ABCB1: variants seen among roughly 807,000 people sequenced by gnomAD.
The protein encoded by ABCB1 is ATP-dependent translocase ABCB1.
In ABCB1, 69 loss-of-function variants were observed where a neutral mutation model predicts 142.0. The observed-to-expected ratio is 0.49, with a 90% confidence interval of 0.40 to 0.59. The LOEUF (loss-of-function observed/expected upper bound fraction) is 0.59. Among genes scored for constraint, ABCB1 ranks in the 20% least tolerant of loss-of-function variants. The pLI is 0.00. For missense variants in ABCB1, 1,326 were observed against 1,554.7 expected (o/e 0.85, Z 2.47); for synonymous variants, 532 against 539.2 (o/e 0.99, Z 0.18).
intron 21 of ABCB1, among the ~76,000 whole-genome samples, chr7:87,526,548 A>G (rs1815791662): frequency 1.3e-5 from 2 of 151,958 alleles, no homozygotes; most frequent in African/African-American, 4.8e-5. Context: ...AAAGATTCTT[A>G]TAACCCCCTC....
At chr7:87,575,732 A>T (rs1320714296) in intron 4 of ABCB1, among the ~76,000 whole-genome samples, 1 of 152,210 alleles carries the variant, frequency 6.6e-6, no homozygotes, top group African/African-American at 2.4e-5. Flanking sequence ...AGATGATTCC[A>T]GGAACTACAG....
In ABCB1 at chr7:87,559,420, T is replaced by C. The variant is rs572970599; in HGVS notation, c.827+1843A>G. Among the ~76,000 whole-genome samples the C allele has an allele frequency of 9.9e-5, 15 of 152,090 alleles. 1 individual carries two copies. The South Asian group carries it at 2.9e-3, about 29-fold the overall frequency. On this transcript the variant is annotated intron_variant, in intron 8 of 27. Coordinates refer to ENST00000622132, the MANE Select transcript of ABCB1 (RefSeq NM_001348946.2). ...TAGATTTTTTAATCTGTTACAAGTT[T>C]TCCCTATTCATTCTTTTTTTGTTCC...
chr7:87,693,452 T>C (rs1828196377), intron 1 of ABCB1, among the ~76,000 whole-genome samples: 1 of 152,190 alleles, frequency 6.6e-6, no homozygotes, highest in African/African-American at 2.4e-5. Context: ...AAAATGTGTA[T>C]TTATTTTTAA....
chr7:87,548,075 A>G (rs868449048), intron 14 of ABCB1, among the ~76,000 whole-genome samples: 1 of 137,426 alleles, frequency 7.3e-6, no homozygotes, highest in South Asian at 2.5e-4. Context: ...GAGGAAGAGA[A>G]GAGAAGAGAA....
At chr7:87,708,255 CAAG>C (rs567920006) in intron 1 of ABCB1, among the ~76,000 whole-genome samples, 128 of 151,984 alleles carry the variant, frequency 8.4e-4, no homozygotes, top group African/African-American at 3.0e-3. Flanking sequence ...CAAGACTATT[CAAG>C]AAGATCAAAA....
At chr7:87,554,961 C>T (rs1817246582) in intron 8 of ABCB1, among the ~76,000 whole-genome samples, 1 of 152,138 alleles carries the variant, frequency 6.6e-6, no homozygotes, top group Non-Finnish European at 1.5e-5. Flanking sequence ...GAGTCACTGA[C>T]AGATTTTATT....
intron 1 of ABCB1, chr7:87,628,661 G>A: frequency 2.5e-6 from 1 of 406,146 alleles, no homozygotes; most frequent in Non-Finnish European, 4.2e-6. Flanking sequence ...TCAGTCCCCG[G>A]GTGCGAGTCC....
At chr7:87,599,278 A>G (rs560838462) in intron 2 of ABCB1, among the ~76,000 whole-genome samples, 80 of 152,228 alleles carry the variant, frequency 5.3e-4, no homozygotes, top group Non-Finnish European at 8.5e-4. Context: ...GCAGAGCACC[A>G]TGATCAAAAT....
chr7:87,639,882 G>A (rs1001519301), intron 1 of ABCB1, among the ~76,000 whole-genome samples: 24 of 151,542 alleles, frequency 1.6e-4, no homozygotes, highest in East Asian at 1.9e-4. Context: ...TTTAATTAAC[G>A]TTATTACTAT....
chr7:87,558,283 C>T (rs1817392183), intron 8 of ABCB1, among the ~76,000 whole-genome samples: 1 of 152,130 alleles, frequency 6.6e-6, no homozygotes, highest in Admixed American at 6.5e-5. Context: ...AGGTTTATTT[C>T]CATTTCAGAG....
intron 1 of ABCB1, among the ~76,000 whole-genome samples, chr7:87,616,011 T>C (rs1363788389): frequency 6.6e-6 from 1 of 152,180 alleles, no homozygotes; most frequent in Non-Finnish European, 1.5e-5. Flanking sequence ...TCATAGTAAA[T>C]AGAAGGTACA....
At chr7:87,570,360 T>G in intron 4 of ABCB1, 137 bp from the exon 5 acceptor site, 2 of 857,302 alleles carry the variant, frequency 2.3e-6, no homozygotes, top group Admixed American at 3.6e-5. Flanking sequence ...TTTAATTGTG[T>G]GTAAGCATTA....
intron 1 of ABCB1, among the ~76,000 whole-genome samples, chr7:87,652,406 C>T (rs1446710052): frequency 6.6e-6 from 1 of 151,934 alleles, no homozygotes; most frequent in Non-Finnish European, 1.5e-5. Context: ...ATATAGATCA[C>T]ACCCCTTCAG....
chr7:87,662,768 G>A (rs1474188167), intron 1 of ABCB1, among the ~76,000 whole-genome samples: 1 of 151,910 alleles, frequency 6.6e-6, no homozygotes, highest in Non-Finnish European at 1.5e-5. Context: ...TTTTAGGATT[G>A]GTTTTTCTAT....
At chr7:87,607,410 T>C (rs1186623613) in intron 1 of ABCB1, among the ~76,000 whole-genome samples, 1 of 152,208 alleles carries the variant, frequency 6.6e-6, no homozygotes, top group Non-Finnish European at 1.5e-5. Flanking sequence ...CAGCACATAC[T>C]ATGTGCTCAA....
chr7:87,553,817 A>G lies in ABCB1; in HGVS notation c.943T>C (p.Trp315Arg). 6.2e-7 allele frequency: 1 copy of G among 1,614,184 alleles called. No individual in the cohort carries two copies. The highest frequency in any genetic ancestry group is 8.5e-7 in the Non-Finnish European group (1 of 1,180,004). The change falls in exon 9 of 28, where the codon TGG becomes CGG. Residue 315 changes from tryptophan (W) to arginine (R), a missense_variant. Transcript: ENST00000622132. ...LIYASYALAFWYGTTLVLSGE... is the reference protein window; with the variant it reads ...LIYASYALAFRYGTTLVLSGE... ...GAGAGGACCAAGGTGGTCCCATACC[A>G]GAAGGCCAGAGCATAAGATGCATAG...
rs528293800 is a variant in ABCB1 at position 87,629,012 on chromosome 7, G to A, written c.-330-27934C>T. ...GCTGAGAGCTCTGGGCTTCCGCGCG[G>A]GTCCTTGGGGGTCCCGGGCATGATG... On this transcript the variant is annotated intron_variant, in intron 1 of 28. Transcript: ENST00000265724. The A allele has an allele frequency of 2.9e-5, 36 of 1,262,532 alleles. No individual in the cohort carries two copies. In the African/African-American group the frequency reaches 5.0e-4, roughly 18 times the overall value. The allele number at this position is 1,262,532 out of a possible 1,614,324, so 78.2% of individuals were successfully genotyped here. A position where few individuals can be genotyped will look rare whatever the true frequency, so the allele number is the denominator to read the frequency against.
chr7:87,616,020 C>A (rs949887277), intron 1 of ABCB1, among the ~76,000 whole-genome samples: 1 of 152,096 alleles, frequency 6.6e-6, no homozygotes, highest in African/African-American at 2.4e-5. Flanking sequence ...ATAGAAGGTA[C>A]AATTTATACC....
At chr7:87,626,726 G>C (rs1167425819) in intron 1 of ABCB1, among the ~76,000 whole-genome samples, 2 of 72,320 alleles carry the variant, frequency 2.8e-5, no homozygotes, top group South Asian at 7.6e-4. Flanking sequence ...ATATATATGT[G>C]TCATATATAT....
Sources: gnomAD v4.1 joint callset for allele counts (sites outside exome capture counted in the v4.1 genomes callset) on GRCh38, gnomAD v4.1.1 for gene constraint, MANE v1.5 for transcripts, NCBI Gene and HGNC (gene_info 2026-07-23, HGNC 2026-07-21) for gene names.